Variants in RGS12 observed in about 807,000 individuals in gnomAD.
RGS12 encodes regulator of G protein signaling 12, also known as regulator of G-protein signaling 12.
A neutral mutation model predicts 120.1 loss-of-function variants in RGS12; 66 were observed. That is an observed-to-expected ratio of 0.55 (90% CI 0.45 to 0.67). RGS12 has a LOEUF of 0.67. RGS12 is among the 30% of genes least tolerant of loss of function. RGS12 has a pLI of 0.00. For missense variants in RGS12, 1,859 were observed against 1,957.7 expected, an observed-to-expected ratio of 0.95 and a Z score of 0.95; for synonymous variants, 827 against 804.7, an observed-to-expected ratio of 1.03 and a Z score of -0.47.
At chr4:3,429,282 T>C (rs1723993778) in intron 16 of RGS12, among the ~76,000 whole-genome samples, 1 of 152,180 alleles carries the variant, frequency 6.6e-6, no homozygotes. Context: ...AGCTCCTTTT[T>C]CTCCAGAAGT....
intron 1 of RGS12, among the ~76,000 whole-genome samples, chr4:3,307,418 G>A (rs1172839877): frequency 6.6e-6 from 1 of 152,182 alleles, no homozygotes; most frequent in Non-Finnish European, 1.5e-5. Context: ...CGTAAAACTA[G>A]GAGTTATTTA....
At chr4:3,309,591 T>A (rs1247189496) in intron 1 of RGS12, among the ~76,000 whole-genome samples, 11 of 86,600 alleles carry the variant, frequency 1.3e-4, no homozygotes, top group South Asian at 4.5e-4. Context: ...GGAACTGTGT[T>A]GAGGAGGAGC....
At chr4:3,382,597 C>T (rs570718870) in intron 3 of RGS12, among the ~76,000 whole-genome samples, 1 of 152,288 alleles carries the variant, frequency 6.6e-6, no homozygotes, top group Admixed American at 6.5e-5. Context: ...TCTCCACAGT[C>T]GTTTTTGAAT....
At chr4:3,288,744 G>C (rs749510003), upstream of RGS12, among the ~76,000 whole-genome samples, 1 of 152,282 alleles carries the variant, frequency 6.6e-6, no homozygotes, top group South Asian at 2.1e-4. The surrounding 1 kb of genome is among the most constrained non-coding windows in gnomAD (Gnocchi z 5.2). Flanking sequence ...AAAGGGATCC[G>C]GTCCCCGTGA....
chr4:3,382,391 G>A (rs996414854), intron 3 of RGS12, among the ~76,000 whole-genome samples: 4 of 152,138 alleles, frequency 2.6e-5, no homozygotes, highest in Non-Finnish European at 5.9e-5. Flanking sequence ...AAGCCCAGCC[G>A]TGGCCTGGAA....
intron 3 of RGS12, among the ~76,000 whole-genome samples, chr4:3,356,639 G>T (rs1055577473): frequency 6.6e-6 from 1 of 150,444 alleles, no homozygotes; most frequent in Non-Finnish European, 1.5e-5. Context: ...AAGTGAAATC[G>T]TACAGTATTT....
At chr4:3,370,126 C>A in intron 3 of RGS12, 1 of 1,465,030 alleles carries the variant, frequency 6.8e-7, no homozygotes, top group Non-Finnish European at 9.1e-7. Flanking sequence ...CAGCTTCCTG[C>A]AGTGTCCTGT....
At chr4:3,422,087 C>A (rs1301689437) in intron 10 of RGS12, among the ~76,000 whole-genome samples, 1 of 152,186 alleles carries the variant, frequency 6.6e-6, no homozygotes, top group Non-Finnish European at 1.5e-5. Context: ...GCAGGACAGC[C>A]CTGCTTCTGG....
chr4:3,435,363 C>G lies in RGS12; in HGVS notation c.4115-4092C>G, dbSNP rs564207302. On this transcript the variant is annotated intron_variant, in intron 17 of 17. Transcript: ENST00000336727. ...AGAGGCCTCCTCGGCAGCTCCCGTG[C>G]CCCGCCCTCCGCAGGAGCAGATGCA... Among the ~76,000 whole-genome samples the G allele has an allele frequency of 1.1e-4, 16 of 152,208 alleles. No individual in the cohort carries two copies. In the South Asian group the frequency reaches 3.3e-3, roughly 32 times the overall value.
At chr4:3,403,505 C>G (rs749974425) in intron 4 of RGS12, among the ~76,000 whole-genome samples, 4 of 152,234 alleles carry the variant, frequency 2.6e-5, no homozygotes, top group African/African-American at 4.8e-5. Context: ...CCAGGCAGGT[C>G]ATGGAATGTT....
At chr4:3,416,215 G>A in intron 7 of RGS12, 94 bp downstream of exon 7, 1 of 1,430,746 alleles carries the variant, frequency 7.0e-7, no homozygotes, top group Non-Finnish European at 9.6e-7. Context: ...AGGCAGGCCA[G>A]TGGATCGAGA....
intron 14 of RGS12, among the ~76,000 whole-genome samples, chr4:3,427,336 G>A (rs932519105): frequency 4.6e-5 from 7 of 152,246 alleles, no homozygotes; most frequent in Non-Finnish European, 7.3e-5. Context: ...TGTGGGGCAG[G>A]AGCGCGACTC....
intron 4 of RGS12, among the ~76,000 whole-genome samples, chr4:3,398,264 GAA>G (rs1442308055): frequency 6.6e-6 from 1 of 152,198 alleles, no homozygotes; most frequent in African/African-American, 2.4e-5. Flanking sequence ...ATCAACAAGA[GAA>G]AGAGCATCAG....
Position 3,311,771 on chromosome 4 carries a change from T to C in RGS12, c.-101-4299T>C, listed in dbSNP as rs543222060. On this transcript the variant is annotated intron_variant, in intron 1 of 17. Coordinates refer to ENST00000336727, the MANE Select transcript of RGS12 (RefSeq NM_001394154.1). ...CTATCCAAACATATCTCATTACGTA[T>C]ATACAGATGTTCCGAATCAGAAAAA... 4.1e-4 allele frequency among the ~76,000 whole-genome samples: 62 copies of C among 152,330 alleles called. 1 individual carries two copies. Among genetic ancestry groups the C allele is most frequent in the Admixed American group, 4.1e-3 (62 of 15,306 alleles).
At chr4:3,312,337 C>T (rs1485695385) in intron 1 of RGS12, among the ~76,000 whole-genome samples, 4 of 152,140 alleles carry the variant, frequency 2.6e-5, no homozygotes, top group African/African-American at 9.7e-5. Context: ...CTAGTCTGGG[C>T]AACATAGTGA....
At chr4:3,400,622 A>G (rs1329301911) in intron 4 of RGS12, among the ~76,000 whole-genome samples, 2 of 149,572 alleles carry the variant, frequency 1.3e-5, no homozygotes, top group Non-Finnish European at 3.0e-5. Context: ...TATATATTCT[A>G]TTAGTAATAG....
At position 3,439,505 on chromosome 4, in the gene RGS12, G is replaced by A; in HGVS notation, c.4165G>A (p.Val1389Met). Reference protein sequence around the residue: ...RDLPVNRIIDVDLVTGSAPGR... With the variant: ...RDLPVNRIIDMDLVTGSAPGR... Reference sequence around the variant, plus strand: ...CCTCCCAGTCAACAGAATCATCGATGTGGATCTTGTAACTGGCTCGGCGCC... The same window carrying A: ...CCTCCCAGTCAACAGAATCATCGATATGGATCTTGTAACTGGCTCGGCGCC... Residue 1389 changes from valine to methionine, a missense_variant, in exon 18 of 18, where the codon GTG becomes ATG. Val to Met is a conservative substitution (Grantham distance 21). Around this residue, in one of 3 missense-constraint regions of RGS12, gnomAD observed 517 missense variants for 488.5 expected, o/e 1.06. Coordinates refer to ENST00000336727, the MANE Select transcript of RGS12 (RefSeq NM_001394154.1). 1 of 1,612,870 alleles carries A rather than the reference G, an allele frequency of 6.2e-7. No individual in the cohort carries two copies. The highest frequency in any genetic ancestry group is 8.5e-7 in the Non-Finnish European group (1 of 1,179,912).
Position 3,425,578 on chromosome 4 carries a change from A to C in RGS12, c.3331+18A>C, listed in dbSNP as rs1221717372. On this transcript the variant is annotated intron_variant, in intron 14 of 17. Transcript: ENST00000336727. ...AGGAAAGGGTGAGTAGGGCTGGTGC[A>C]GCGGATGGGGAGAGGGTGAGTGGGT... 6.5e-7 allele frequency: 1 copy of C among 1,548,312 alleles called. No individual in the cohort carries two copies. The highest frequency in any genetic ancestry group is 8.8e-7 in the Non-Finnish European group (1 of 1,141,462).
intron 4 of RGS12, among the ~76,000 whole-genome samples, chr4:3,409,749 A>G (rs1230342884): frequency 6.6e-6 from 1 of 152,208 alleles, no homozygotes; most frequent in East Asian, 1.9e-4. Flanking sequence ...GAGGAGCAAA[A>G]GCGTCAGCAA....
Sources: gnomAD v4.1 joint callset for allele counts (sites outside exome capture counted in the v4.1 genomes callset) on GRCh38, gnomAD v4.1.1 for gene constraint, gnomAD v4.1.1 regional missense constraint, Gnocchi (gnomAD v3.1) non-coding constraint, MANE v1.5 for transcripts, NCBI Gene and HGNC (gene_info 2026-07-23, HGNC 2026-07-21) for gene names.